Variants in GRIP1 observed in about 807,000 individuals in gnomAD.
GRIP1 encodes the protein glutamate receptor interacting protein 1.
In GRIP1, 45 loss-of-function variants were observed where a neutral mutation model predicts 129.9. The ratio of observed to expected loss-of-function variants is 0.35; its 90% CI spans 0.27 to 0.44. The LOEUF (loss-of-function observed/expected upper bound fraction) is 0.44. Ranked by LOEUF, GRIP1 falls within the 20% of genes least tolerant of loss-of-function variation. GRIP1 has a pLI of 1.00. For missense variants in GRIP1, 1,196 were observed against 1,396.8 expected (o/e 0.86, Z 2.29); for synonymous variants, 530 against 520.8 (o/e 1.02, Z -0.24).
At chr12:67,046,176 A>G (rs2043250717) in intron 1 of GRIP1, among the ~76,000 whole-genome samples, 2 of 152,212 alleles carry the variant, frequency 1.3e-5, no homozygotes, top group Admixed American at 1.3e-4. Flanking sequence ...TTCAGCCTCA[A>G]AGTCAAAGCC....
At chr12:66,946,879 T>C (rs2041679454) in intron 1 of GRIP1, among the ~76,000 whole-genome samples, 1 of 150,734 alleles carries the variant, frequency 6.6e-6, no homozygotes, top group South Asian at 2.1e-4. Context: ...CTGTCTCTAC[T>C]AAAAGTAAAA....
intron 1 of GRIP1, among the ~76,000 whole-genome samples, chr12:66,831,364 T>TA: frequency 6.6e-6 from 1 of 152,186 alleles, no homozygotes; most frequent in East Asian, 1.9e-4. Context: ...TTTATGGACT[T>TA]AGAGATATCT....
intron 23 of GRIP1, among the ~76,000 whole-genome samples, chr12:66,366,254 C>T (rs2055136909): frequency 1.3e-5 from 2 of 152,196 alleles, no homozygotes; most frequent in Non-Finnish European, 2.9e-5. Flanking sequence ...GAATAAGATA[C>T]ATATTTCCAT....
At chr12:66,361,868 C>T (rs578222858) in intron 23 of GRIP1, among the ~76,000 whole-genome samples, 1 of 152,302 alleles carries the variant, frequency 6.6e-6, no homozygotes, top group African/African-American at 2.4e-5. Flanking sequence ...GACTCAGGAA[C>T]ATCCTGCAGC....
chr12:66,867,133 C>T (rs556214702), intron 1 of GRIP1, among the ~76,000 whole-genome samples: 2 of 152,250 alleles, frequency 1.3e-5, no homozygotes, highest in Admixed American at 6.5e-5. Flanking sequence ...AGATTGCAGG[C>T]GCAAGCTACC....
At chr12:66,383,527 G>A (rs1592735128) in intron 19 of GRIP1, among the ~76,000 whole-genome samples, 1 of 152,134 alleles carries the variant, frequency 6.6e-6, no homozygotes, top group Non-Finnish European at 1.5e-5. Flanking sequence ...TTACCCAACT[G>A]GTGAGTTTTG....
intron 1 of GRIP1, among the ~76,000 whole-genome samples, chr12:66,814,361 G>T (rs1279877413): frequency 6.6e-6 from 1 of 151,968 alleles, no homozygotes; most frequent in Admixed American, 6.6e-5. Context: ...GATAATAAGG[G>T]TTAATTTACT....
chr12:66,982,649 T>C (rs2042255547), intron 1 of GRIP1, among the ~76,000 whole-genome samples: 1 of 152,102 alleles, frequency 6.6e-6, no homozygotes, highest in African/African-American at 2.4e-5. Flanking sequence ...CTTTAGAAAT[T>C]GAATTCTTCC....
intron 1 of GRIP1, among the ~76,000 whole-genome samples, chr12:66,923,376 T>C (rs955690810): frequency 2.0e-5 from 3 of 152,178 alleles, no homozygotes; most frequent in Admixed American, 6.5e-5. Context: ...CTTGCCATAC[T>C]GCACATTATT....
chr12:66,771,336 C>A (rs933181767), intron 1 of GRIP1, among the ~76,000 whole-genome samples: 1 of 152,146 alleles, frequency 6.6e-6, no homozygotes, highest in Non-Finnish European at 1.5e-5. Context: ...ATACAATGCA[C>A]CATTAAGTCT....
chr12:66,551,766 C>G (rs12301483), intron 2 of GRIP1, among the ~76,000 whole-genome samples: 59,516 of 151,512 alleles, frequency 0.39, 11,763 homozygotes, highest in East Asian at 0.41. Flanking sequence ...TGTTGTTGTA[C>G]AGATGGGGTC....
At chr12:66,882,014 C>G (rs906888606) in intron 1 of GRIP1, among the ~76,000 whole-genome samples, 1 of 151,840 alleles carries the variant, frequency 6.6e-6, no homozygotes, top group Non-Finnish European at 1.5e-5. Flanking sequence ...TTTTCCTATC[C>G]CCTGTTCTGT....
chr12:66,965,899 CCAGA>C (rs1294161423), intron 1 of GRIP1, among the ~76,000 whole-genome samples: 10 of 152,206 alleles, frequency 6.6e-5, no homozygotes, highest in East Asian at 1.9e-4. Context: ...GCAGTTTCTG[CCAGA>C]CAGTCTGCTT....
intron 1 of GRIP1, among the ~76,000 whole-genome samples, chr12:67,047,731 T>C (rs2043276658): frequency 6.6e-6 from 1 of 152,210 alleles, no homozygotes; most frequent in Admixed American, 6.5e-5. Context: ...AATGCCATAT[T>C]CTATCTTTGT....
At chr12:66,593,670 C>T (rs1377573171) in intron 2 of GRIP1, among the ~76,000 whole-genome samples, 1 of 152,166 alleles carries the variant, frequency 6.6e-6, no homozygotes, top group Admixed American at 6.5e-5. Flanking sequence ...CCACCCCATT[C>T]ATCAGAGAAA....
chr12:66,578,231 G>GGTTTTTTTTTTTT (rs1555210357), intron 2 of GRIP1, among the ~76,000 whole-genome samples: 2 of 31,502 alleles, frequency 6.3e-5, no homozygotes, highest in Non-Finnish European at 1.2e-4. Flanking sequence ...GCAAAACCGC[G>GGTTTTTTTTTTTT]GTTTTTTTTT....
chr12:66,936,286 C>T (rs907006917), intron 1 of GRIP1, among the ~76,000 whole-genome samples: 2 of 151,994 alleles, frequency 1.3e-5, no homozygotes, highest in Non-Finnish European at 2.9e-5. Context: ...ATCAGCCGAG[C>T]ATGGTGGCAT....
At chr12:66,975,957 AT>A (rs1224938270) in intron 1 of GRIP1, among the ~76,000 whole-genome samples, 4 of 152,196 alleles carry the variant, frequency 2.6e-5, no homozygotes, top group Non-Finnish European at 4.4e-5. Context: ...TACCAATTTC[AT>A]AAAAATTTGT....
At chr12:66,931,026 C>T (rs535592011) in intron 1 of GRIP1, among the ~76,000 whole-genome samples, 4 of 151,488 alleles carry the variant, frequency 2.6e-5, no homozygotes, top group East Asian at 3.9e-4. Context: ...CAATGCACTC[C>T]CCAGCTAGCT....
Sources: allele counts gnomAD v4.1 joint callset (sites outside exome capture counted in the v4.1 genomes callset), GRCh38; gene constraint gnomAD v4.1.1; transcripts MANE v1.5; gene names NCBI Gene and HGNC (gene_info 2026-07-23, HGNC 2026-07-21).